ULK2: variants seen among roughly 807,000 people sequenced by gnomAD.
The protein encoded by ULK2 is serine/threonine-protein kinase ULK2.
A neutral mutation model predicts 127.5 loss-of-function variants in ULK2; 76 were observed. That is an observed-to-expected ratio of 0.60 (90% CI 0.50 to 0.72). ULK2 has a LOEUF of 0.72. Among genes scored for constraint, ULK2 ranks in the 30% least tolerant of loss-of-function variants. ULK2 has a pLI of 0.00. For missense variants in ULK2, 1,144 were observed against 1,295.9 expected, an observed-to-expected ratio of 0.88 and a Z score of 1.80; for synonymous variants, 452 against 461.9, an observed-to-expected ratio of 0.98 and a Z score of 0.28.
chr17:19,793,818 A>C (rs1290422743), intron 20 of ULK2, among the ~76,000 whole-genome samples: 2 of 152,250 alleles, frequency 1.3e-5, no homozygotes, highest in African/African-American at 4.8e-5. Context: ...ATTAAAAGGC[A>C]TGCTAAAAGG....
At chr17:19,776,765 A>G (rs922226256) in intron 26 of ULK2, among the ~76,000 whole-genome samples, 1 of 152,206 alleles carries the variant, frequency 6.6e-6, no homozygotes, top group African/African-American at 2.4e-5. Context: ...CTGGTATCCC[A>G]TCAATCTCCA....
In ULK2 at chr17:19,826,912, G is replaced by C. The variant is rs1226380612; in HGVS notation, c.788-726C>G. On this transcript the variant is annotated intron_variant, in intron 10 of 26. Coordinates refer to ENST00000395544, the MANE Select transcript of ULK2 (RefSeq NM_014683.4). ...GCGGAGCTTGCAGTGAGCCGAGATCGCGCCACTGCACTCCAGCCTGGGTGA... is the reference window on the plus strand; with the variant it reads ...GCGGAGCTTGCAGTGAGCCGAGATCCCGCCACTGCACTCCAGCCTGGGTGA... Among the ~76,000 whole-genome samples, 3 of 150,782 alleles carry C rather than the reference G, an allele frequency of 2.0e-5. No individual in the cohort carries two copies. In the East Asian group the frequency reaches 5.8e-4, roughly 29 times the overall value.
chr17:19,852,952 T>G (rs1211693250), intron 3 of ULK2, among the ~76,000 whole-genome samples: 2 of 151,754 alleles, frequency 1.3e-5, no homozygotes, highest in South Asian at 2.1e-4. Context: ...GCACGGCCAA[T>G]TTTTAAAAGT....
In ULK2 at chr17:19,843,195, A is replaced by T; in HGVS notation, c.571T>A (p.Tyr191Asn). The stretch of plus-strand genomic sequence containing the variant: ...CTCCACAAGTCAGCCTTAGCATCAT[A>T]ATGTTGAGACATAATAACCTCAGGA... ...MAPEVIMSQH[Y>N]DAKADLWSIG... is the part of the protein sequence containing the mutation. The change falls in exon 8 of 27, where the codon TAT becomes AAT. Residue 191 changes from tyrosine to asparagine, a missense_variant. By Grantham distance (143) the Tyr-to-Asn change is moderately radical. This residue lies in a region of ULK2 where 231 missense variants were observed against 325.4 expected (regional missense o/e 0.71). Coordinates refer to ENST00000395544, the MANE Select transcript of ULK2 (RefSeq NM_014683.4). 1 of 1,590,860 alleles carries T rather than the reference A, an allele frequency of 6.3e-7. No homozygotes were observed. Among genetic ancestry groups the T allele is most frequent in the Non-Finnish European group, 8.5e-7 (1 of 1,173,720 alleles).
At chr17:19,818,698 AT>A (rs2041056530) in intron 12 of ULK2, among the ~76,000 whole-genome samples, 1 of 150,394 alleles carries the variant, frequency 6.6e-6, no homozygotes, top group Admixed American at 6.6e-5. Flanking sequence ...TTGTTATGGC[AT>A]TTTTTCCCTC....
chr17:19,800,409 G>C (rs965917638), intron 16 of ULK2, among the ~76,000 whole-genome samples: 24 of 152,228 alleles, frequency 1.6e-4, no homozygotes, highest in Non-Finnish European at 1.5e-5. Flanking sequence ...AGCGGGCAGA[G>C]ATCAGATCCT....
At position 19,846,901 on chromosome 17, in the gene ULK2, G is replaced by A; in HGVS notation, c.305C>T (p.Thr102Ile). 6.2e-7 allele frequency: 1 copy of A among 1,609,022 alleles called. No homozygotes were observed. The highest frequency in any genetic ancestry group is 8.5e-7 in the Non-Finnish European group (1 of 1,177,954). ...DLADYLQAKG[T>I]LSEDTIRVFL... is the part of the protein sequence containing the mutation. ...CACTCTGATCGTGTCTTCACTGAGA[G>A]TCCCTTTCGCTGGTACAAAAGGAGT... The change falls in exon 6 of 27, where the codon ACT (threonine) becomes ATT (isoleucine). Residue 102 changes from threonine to isoleucine, a missense_variant. Thr to Ile is a moderately conservative substitution (Grantham distance 89, BLOSUM62 -1). Coordinates refer to ENST00000395544, the MANE Select transcript of ULK2 (RefSeq NM_014683.4).
intron 3 of ULK2, among the ~76,000 whole-genome samples, chr17:19,861,557 A>G (rs1416511086): frequency 1.3e-5 from 2 of 152,202 alleles, no homozygotes; most frequent in Non-Finnish European, 2.9e-5. Context: ...AAAAAAAAAA[A>G]GAAAATCATC....
chr17:19,845,484 A>C, intron 6 of ULK2, 107 bp from the exon 7 acceptor site: 1 of 827,000 alleles, frequency 1.2e-6, no homozygotes. Context: ...ACTGTGAAAA[A>C]TAAACAGCTT....
At chr17:19,817,208 T>TA (rs1159155021) in intron 12 of ULK2, among the ~76,000 whole-genome samples, 1 of 152,218 alleles carries the variant, frequency 6.6e-6, no homozygotes, top group African/African-American at 2.4e-5. Flanking sequence ...TTTGAGAAAG[T>TA]AAATTTTTAT....
chr17:19,850,133 C>T (rs951596766), intron 3 of ULK2, among the ~76,000 whole-genome samples: 2 of 152,140 alleles, frequency 1.3e-5, no homozygotes, highest in African/African-American at 4.8e-5. Flanking sequence ...CTTGGGGAAA[C>T]ACTTCCACTT....
intron 12 of ULK2, among the ~76,000 whole-genome samples, chr17:19,817,949 G>T (rs157403): frequency 0.9 from 137,246 of 152,106 alleles, 62,476 homozygotes; most frequent in Non-Finnish European, 0.97. Context: ...TGAAGGGAAG[G>T]GAAGATGGAA....
chr17:19,841,574 C>T, intron 8 of ULK2, 27 bp from the exon 9 acceptor site: 3 of 1,531,966 alleles, frequency 2.0e-6, no homozygotes, highest in South Asian at 1.2e-5. Flanking sequence ...GGTTTAATTT[C>T]CTAAACAATG....
At chr17:19,847,806 C>T (rs528131475) in intron 5 of ULK2, among the ~76,000 whole-genome samples, 2 of 152,286 alleles carry the variant, frequency 1.3e-5, no homozygotes, top group Non-Finnish European at 2.9e-5. Flanking sequence ...CCTCAGCTGC[C>T]CACAGTGCTG....
chr17:19,807,673 A>T (rs2087542468), intron 14 of ULK2, among the ~76,000 whole-genome samples: 1 of 152,164 alleles, frequency 6.6e-6, no homozygotes, highest in South Asian at 2.1e-4. Context: ...AAAAGGCAGC[A>T]CATCAAAAGA....
intron 3 of ULK2, among the ~76,000 whole-genome samples, chr17:19,851,277 A>G (rs2042008216): frequency 6.7e-6 from 1 of 148,908 alleles, no homozygotes; most frequent in South Asian, 2.1e-4. Context: ...CAGTGAGCCA[A>G]GATCGTACCA....
In ULK2 at chr17:19,797,460, G is replaced by C. The variant is rs1368141130; in HGVS notation, c.1745C>G (p.Ser582Cys). 3.1e-6 allele frequency: 5 copies of C among 1,613,966 alleles called. 1 individual carries two copies. The highest frequency in any genetic ancestry group is 3.3e-5 in the Admixed American group (2 of 60,010). The change falls in exon 18 of 27, where the codon TCT (serine) becomes TGT (cysteine). Residue 582 changes from serine to cysteine, a missense_variant. By Grantham distance (112) the Ser-to-Cys change is moderately radical. Around this residue, in one of 2 missense-constraint regions of ULK2, gnomAD observed 913 missense variants for 970.5 expected, o/e 0.94. Coordinates refer to ENST00000395544, the MANE Select transcript of ULK2 (RefSeq NM_014683.4). ...AAAGAACCAGTCAGAACTCCGTGGAGAGGACCCCAAGTGCTTGGTGGGAGA... is the reference window on the plus strand; with the variant it reads ...AAAGAACCAGTCAGAACTCCGTGGACAGGACCCCAAGTGCTTGGTGGGAGA... ...GTSPTKHLGS[S>C]PRSSDWFFKT...
chr17:19,814,456 T>TTTTTTTTTTTTTTTTTTTTGTTTGTTTG (rs1555557161), intron 13 of ULK2, among the ~76,000 whole-genome samples: 3 of 18,258 alleles, frequency 1.6e-4, no homozygotes, highest in Non-Finnish European at 2.2e-4. Flanking sequence ...TTTTTTTTTT[T>TTTTTTTTTTTTTTTTTTTTGTTTGTTTG]TTTTTTTGGA....
At chr17:19,824,154 G>A (rs900285931) in intron 12 of ULK2, among the ~76,000 whole-genome samples, 2 of 152,088 alleles carry the variant, frequency 1.3e-5, no homozygotes, top group Admixed American at 6.6e-5. Flanking sequence ...TTCTGCCAGC[G>A]GCATTCAAGA....
Sources: allele counts gnomAD v4.1 joint callset (sites outside exome capture counted in the v4.1 genomes callset), GRCh38; gene constraint gnomAD v4.1.1; regional missense constraint gnomAD v4.1.1; transcripts MANE v1.5; gene names NCBI Gene and HGNC (gene_info 2026-07-23, HGNC 2026-07-21).